The following SLC14A2 variants were observed in gnomAD, a reference collection of about 807,000 sequenced individuals.
SLC14A2 encodes the protein urea transporter 2.
SLC14A2 carries 91 observed loss-of-function variants against 104.6 expected under a neutral mutation model. The observed-to-expected ratio is 0.87, with a 90% CI of 0.73 to 1.04. SLC14A2 has a LOEUF of 1.04. Ranked by LOEUF, SLC14A2 falls within the 50% of genes least tolerant of loss-of-function variation. The pLI is 0.00. For missense variants in SLC14A2, 1,189 were observed against 1,156.0 expected (o/e 1.03, Z -0.41); for synonymous variants, 476 against 466.4 (o/e 1.02, Z -0.27).
chr18:45,537,993 C>T (rs945780477), intron 2 of SLC14A2, among the ~76,000 whole-genome samples: 2 of 151,826 alleles, frequency 1.3e-5, no homozygotes, highest in Non-Finnish European at 2.9e-5. Flanking sequence ...TACATTACTC[C>T]CAGACTTAGA....
In SLC14A2 at chr18:45,243,607, G is replaced by A. The variant is rs192738458; in HGVS notation, c.-125+30416G>A. ...GAGAGAAAAGTTTCCAAACAAGAAGGTTTTGACTGTAAATGTATTCCGAGT... is the reference window on the plus strand; with the variant it reads ...GAGAGAAAAGTTTCCAAACAAGAAGATTTTGACTGTAAATGTATTCCGAGT... On this transcript the variant is annotated intron_variant, in intron 1 of 20. Transcript: ENST00000586448. 2.0e-5 allele frequency among the ~76,000 whole-genome samples: 3 copies of A among 152,306 alleles called. No homozygotes were observed. The East Asian group carries it at 5.8e-4, about 29-fold the overall frequency.
intron 2 of SLC14A2, chr18:45,515,714 GGAT>G (rs1159102757): frequency 2.0e-5 from 3 of 152,262 alleles, no homozygotes; most frequent in Non-Finnish European, 1.5e-5. Flanking sequence ...TCATCCCTGT[GGAT>G]GTAGACACAT....
chr18:45,340,660 T>C (rs534521742), intron 1 of SLC14A2, among the ~76,000 whole-genome samples: 1 of 152,310 alleles, frequency 6.6e-6, no homozygotes, highest in East Asian at 1.9e-4. Flanking sequence ...AGGCTAGAGA[T>C]TCTGAATTGA....
At chr18:45,285,155 T>C (rs1389503451) in intron 1 of SLC14A2, among the ~76,000 whole-genome samples, 2 of 152,220 alleles carry the variant, frequency 1.3e-5, no homozygotes, top group East Asian at 1.9e-4. Flanking sequence ...TGGAGGGTGA[T>C]ACATTCTATT....
chr18:45,420,865 C>T (rs777282191), intron 1 of SLC14A2, among the ~76,000 whole-genome samples: 22 of 151,882 alleles, frequency 1.4e-4, no homozygotes, highest in South Asian at 2.1e-4. Flanking sequence ...CTCAACCTCC[C>T]GAGTAGGTGG....
At chr18:45,680,453 G>C (rs2046295816) in intron 19 of SLC14A2, among the ~76,000 whole-genome samples, 1 of 152,182 alleles carries the variant, frequency 6.6e-6, no homozygotes, top group African/African-American at 2.4e-5. Context: ...AAAAGTACAG[G>C]CTATTAACTC....
intron 1 of SLC14A2, among the ~76,000 whole-genome samples, chr18:45,460,269 T>G (rs564688029): frequency 1.3e-5 from 2 of 152,322 alleles, no homozygotes; most frequent in African/African-American, 4.8e-5. Context: ...GACTCCTTAC[T>G]GATGGTCCTC....
At chr18:45,610,388 G>T (rs2044952762) in intron 2 of SLC14A2, among the ~76,000 whole-genome samples, 1 of 152,192 alleles carries the variant, frequency 6.6e-6, no homozygotes, top group African/African-American at 2.4e-5. Flanking sequence ...TACCTAGGGA[G>T]CTTTTAAAAA....
chr18:45,203,094 A>G, the SLC14A2 span, among the ~76,000 whole-genome samples: 10 of 152,150 alleles, frequency 6.6e-5, no homozygotes, highest in Non-Finnish European at 1.2e-4. Flanking sequence ...TTGGCCATTG[A>G]AAGAGAACGG....
chr18:45,247,431 C>G (rs2084377673), intron 1 of SLC14A2, among the ~76,000 whole-genome samples: 1 of 152,192 alleles, frequency 6.6e-6, no homozygotes, highest in African/African-American at 2.4e-5. Context: ...GACCTATGAC[C>G]TAAACATCCT....
At chr18:45,177,572 A>G in the SLC14A2 span, among the ~76,000 whole-genome samples, 1 of 152,058 alleles carries the variant, frequency 6.6e-6, no homozygotes, top group Non-Finnish European at 1.5e-5. Flanking sequence ...TCTCCCTCCC[A>G]TTCTTTTGAA....
chr18:45,678,764 A>G (rs2046266357), intron 18 of SLC14A2, among the ~76,000 whole-genome samples: 1 of 152,200 alleles, frequency 6.6e-6, no homozygotes, highest in Non-Finnish European at 1.5e-5. Context: ...CTTTTTAACA[A>G]GTTCATCTGC....
chr18:45,222,884 C>T (rs541475224), intron 1 of SLC14A2, among the ~76,000 whole-genome samples: 142 of 152,224 alleles, frequency 9.3e-4, no homozygotes, highest in African/African-American at 3.2e-3. Context: ...TTTCTCAGTG[C>T]CTGCATTCCC....
intron 2 of SLC14A2, among the ~76,000 whole-genome samples, chr18:45,555,685 C>T (rs1215682154): frequency 1.3e-5 from 2 of 152,210 alleles, no homozygotes; most frequent in African/African-American, 4.8e-5. Context: ...AATGCTTAGA[C>T]ACTCTGAGTG....
At chr18:45,327,061 T>C (rs118046538) in intron 1 of SLC14A2, among the ~76,000 whole-genome samples, 23 of 149,696 alleles carry the variant, frequency 1.5e-4, no homozygotes, top group Non-Finnish European at 3.3e-4. Flanking sequence ...CAGCCAGCCA[T>C]CTAGCTAGCT....
intron 2 of SLC14A2, among the ~76,000 whole-genome samples, chr18:45,563,137 T>C (rs2044223544): frequency 6.6e-6 from 1 of 152,204 alleles, no homozygotes; most frequent in Non-Finnish European, 1.5e-5. Flanking sequence ...TGAGGCAGTG[T>C]GACAAAAGTT....
intron 4 of SLC14A2, 59 bp from the exon 5 acceptor site, chr18:45,632,291 G>T: frequency 6.3e-7 from 1 of 1,580,032 alleles, no homozygotes; most frequent in Non-Finnish European, 8.6e-7. Context: ...AGCACCAGGA[G>T]GGAGGGGCCC....
intron 2 of SLC14A2, among the ~76,000 whole-genome samples, chr18:45,510,394 A>C (rs1038194855): frequency 6.6e-6 from 1 of 152,166 alleles, no homozygotes; most frequent in Non-Finnish European, 1.5e-5. Context: ...ATGAGAAGGC[A>C]TATAGAACAA....
intron 1 of SLC14A2, among the ~76,000 whole-genome samples, chr18:45,370,732 C>T (rs920188563): frequency 1.3e-5 from 2 of 152,120 alleles, no homozygotes; most frequent in African/African-American, 4.8e-5. Context: ...AGAAATCACT[C>T]CCAGAAGGGA....
Sources: gnomAD v4.1 joint callset for allele counts (sites outside exome capture counted in the v4.1 genomes callset) on GRCh38, gnomAD v4.1.1 for gene constraint, MANE v1.5 for transcripts, NCBI Gene and HGNC (gene_info 2026-07-23, HGNC 2026-07-21) for gene names.